The following PTGR1 variants were observed in gnomAD, a reference collection of about 807,000 sequenced individuals.
PTGR1 encodes the protein 15-oxoprostaglandin 13-reductase.
A neutral mutation model predicts 37.7 loss-of-function variants in PTGR1; 23 were observed. That is an observed-to-expected ratio of 0.61 (90% CI 0.44 to 0.86). The LOEUF (loss-of-function observed/expected upper bound fraction) is 0.86. PTGR1 is among the 40% of genes least tolerant of loss of function. PTGR1 has a pLI of 0.00. For missense variants in PTGR1, 351 were observed against 394.3 expected, an observed-to-expected ratio of 0.89 and a Z score of 0.93; for synonymous variants, 134 against 140.0, an observed-to-expected ratio of 0.96 and a Z score of 0.30.
At chr9:111,597,287 C>T (rs1829808660) in intron 2 of PTGR1, 30 bp downstream of exon 2, 1 of 1,522,752 alleles carries the variant, frequency 6.6e-7, no homozygotes, top group Non-Finnish European at 9.1e-7. Context: ...CAGTCCCTTC[C>T]AACTCTGAAA....
At chr9:111,561,102 T>TAGAGAGAGAG (rs1448011286), downstream of PTGR1, among the ~76,000 whole-genome samples, 2 of 29,354 alleles carry the variant, frequency 6.8e-5, no homozygotes, top group Non-Finnish European at 1.2e-4. Flanking sequence ...TATATATATA[T>TAGAGAGAGAG]ATATATATAG....
intron 6 of PTGR1, among the ~76,000 whole-genome samples, chr9:111,583,065 C>T (rs1829327103): frequency 6.6e-6 from 1 of 152,230 alleles, no homozygotes. Context: ...GGCTGAATGC[C>T]CATTTCCTTC....
chr9:111,564,277 TTTA>T (rs3031175), intron 9 of PTGR1: 49,028 of 483,800 alleles, frequency 0.1, 2,760 homozygotes, highest in East Asian at 0.43. Context: ...AATTTAAACT[TTTA>T]TTATTATTAT....
chr9:111,597,507 G>A (rs1829818546), intron 1 of PTGR1, 75 bp from the exon 2 acceptor site: 2 of 839,790 alleles, frequency 2.4e-6, no homozygotes, highest in African/African-American at 1.7e-5. Context: ...GTCAAACTGA[G>A]ACCAGACAGC....
At chr9:111,553,718 G>A (rs564584164) in intron 9 of PTGR1, among the ~76,000 whole-genome samples, 39 of 152,284 alleles carry the variant, frequency 2.6e-4, no homozygotes, top group African/African-American at 6.7e-4. Flanking sequence ...ATAAAGATAC[G>A]TTTAGTGGAA....
intron 9 of PTGR1, among the ~76,000 whole-genome samples, chr9:111,551,210 C>T (rs1264380070): frequency 6.6e-6 from 1 of 151,976 alleles, no homozygotes; most frequent in African/African-American, 2.4e-5. Flanking sequence ...TTGTTTTTTG[C>T]ACTATTTTTG....
At chr9:111,588,805 C>T (rs761390713) in intron 4 of PTGR1, among the ~76,000 whole-genome samples, 8 of 152,132 alleles carry the variant, frequency 5.3e-5, no homozygotes, top group East Asian at 1.9e-4. Context: ...AGATTACAGG[C>T]GTGAGCCACT....
chr9:111,571,111 C>A (rs1355958758), intron 8 of PTGR1, among the ~76,000 whole-genome samples: 2 of 150,206 alleles, frequency 1.3e-5, no homozygotes, highest in East Asian at 4.2e-4. Context: ...AACCTCTAGA[C>A]CTACAAGAAT....
intron 2 of PTGR1, among the ~76,000 whole-genome samples, chr9:111,595,617 C>G (rs1027908588): frequency 6.6e-6 from 1 of 152,134 alleles, no homozygotes; most frequent in Admixed American, 6.6e-5. Context: ...TGTAAACACT[C>G]CTTAGAGACT....
At chr9:111,592,737 T>C (rs1033015312) in intron 4 of PTGR1, 189 bp downstream of exon 4, 13 of 705,666 alleles carry the variant, frequency 1.8e-5, no homozygotes, top group African/African-American at 7.4e-5. Flanking sequence ...AAAATGACAA[T>C]TTCACATCCT....
In PTGR1 at chr9:111,570,174, G is replaced by A. The variant is rs376212074; in HGVS notation, c.796C>T (p.Arg266Cys). 2.3e-5 allele frequency: 37 copies of A among 1,613,916 alleles called. No individual in the cohort carries two copies. The highest frequency in any genetic ancestry group is 3.3e-4 in the Middle Eastern group (2 of 6,076). Residue 266 changes from arginine to cysteine, a missense_variant, in exon 9 of 10, where the codon CGC becomes TGC. Coordinates refer to ENST00000407693, the MANE Select transcript of PTGR1 (RefSeq NM_001146108.2). ...CGGTAGACGACAAAAGCTTCCATGC[G>A]AAGCTCCTGATAGATAACAATCTCT... ...PPEIVIYQEL[R>C]MEAFVVYRWQ...
At chr9:111,553,500 C>A (rs1267739055) in intron 9 of PTGR1, among the ~76,000 whole-genome samples, 1 of 152,068 alleles carries the variant, frequency 6.6e-6, no homozygotes, top group Non-Finnish European at 1.5e-5. Context: ...GTGCTATCTG[C>A]ATAAAATATC....
intron 4 of PTGR1, 83 bp downstream of exon 4, chr9:111,592,843 G>C: frequency 6.5e-7 from 1 of 1,527,412 alleles, no homozygotes; most frequent in South Asian, 1.3e-5. Flanking sequence ...AGAAATTGTA[G>C]GAGCAATGGA....
chr9:111,571,341 G>A (rs1270225861), intron 8 of PTGR1, among the ~76,000 whole-genome samples: 1 of 149,746 alleles, frequency 6.7e-6, no homozygotes, highest in African/African-American at 2.4e-5. Flanking sequence ...GAAGTCGGAA[G>A]GGGACTGCAG....
chr9:111,571,372 C>A (rs1226787445), intron 8 of PTGR1, among the ~76,000 whole-genome samples: 1 of 149,578 alleles, frequency 6.7e-6, no homozygotes, highest in Non-Finnish European at 1.5e-5. Flanking sequence ...TTGCACCACT[C>A]CACTCCAGCC....
downstream of PTGR1, among the ~76,000 whole-genome samples, chr9:111,560,727 A>T (rs1473073890): frequency 3.3e-5 from 5 of 149,316 alleles, no homozygotes; most frequent in Non-Finnish European, 7.4e-5. Context: ...CCGGATCACA[A>T]GGTCAGGAGT....
At chr9:111,552,160 G>C (rs1380138408) in intron 9 of PTGR1, among the ~76,000 whole-genome samples, 2 of 152,150 alleles carry the variant, frequency 1.3e-5, no homozygotes, top group Non-Finnish European at 2.9e-5. Context: ...TGAATATTTG[G>C]TAAGCATTTC....
intron 7 of PTGR1, 44 bp downstream of exon 7, chr9:111,578,752 G>A: frequency 6.5e-7 from 1 of 1,539,508 alleles, no homozygotes; most frequent in Non-Finnish European, 8.8e-7. Context: ...GCTTTATATA[G>A]TACTTCCATA....
chr9:111,577,593 C>G (rs758951451), intron 7 of PTGR1: 1 of 152,298 alleles, frequency 6.6e-6, no homozygotes, highest in Non-Finnish European at 1.5e-5. Context: ...GCCTGTAATC[C>G]TAGCACTTTG....
Sources: allele counts gnomAD v4.1 joint callset (sites outside exome capture counted in the v4.1 genomes callset), GRCh38; gene constraint gnomAD v4.1.1; transcripts MANE v1.5; gene names NCBI Gene and HGNC (gene_info 2026-07-23, HGNC 2026-07-21).